Variants in SRFBP1 observed in about 807,000 individuals in gnomAD.
The protein encoded by SRFBP1 is serum response factor-binding protein 1.
Under a neutral mutation model 45.5 loss-of-function variants are expected in SRFBP1, and 47 were observed. That is an observed-to-expected ratio of 1.03 (90% confidence interval 0.82 to 1.32). The LOEUF is 1.32. SRFBP1 is among the 40% of genes most tolerant of loss of function. SRFBP1 has a pLI of 0.00. For missense variants in SRFBP1, 621 were observed against 484.6 expected (o/e 1.28, Z -2.64); for synonymous variants, 203 against 166.3 (o/e 1.22, Z -1.70).
At chr5:122,046,375 C>G (rs1463326167) in intron 2 of SRFBP1, among the ~76,000 whole-genome samples, 1 of 152,160 alleles carries the variant, frequency 6.6e-6, no homozygotes, top group Non-Finnish European at 1.5e-5. Context: ...AGGACATGAA[C>G]TCATCAGTTT....
chr5:122,058,738 CAT>C (rs1177682509), intron 2 of SRFBP1, among the ~76,000 whole-genome samples: 1 of 152,114 alleles, frequency 6.6e-6, no homozygotes, highest in African/African-American at 2.4e-5. Context: ...TTTGGCCTCT[CAT>C]GTTGTTGGGG....
chr5:121,993,616 A>C (rs1321622062), intron 3 of SRFBP1, among the ~76,000 whole-genome samples: 1 of 152,142 alleles, frequency 6.6e-6, no homozygotes, highest in Non-Finnish European at 1.5e-5. Flanking sequence ...TGTTAAATGA[A>C]GAACTGACAG....
chr5:122,033,401 A>G (rs1753622151), downstream of SRFBP1, among the ~76,000 whole-genome samples: 1 of 152,114 alleles, frequency 6.6e-6, no homozygotes. Flanking sequence ...TGTATTGAGA[A>G]AAATAGTTCA....
intron 3 of SRFBP1, among the ~76,000 whole-genome samples, chr5:121,976,771 C>T (rs1355610857): frequency 6.7e-6 from 1 of 150,336 alleles, no homozygotes; most frequent in East Asian, 1.9e-4. Flanking sequence ...TATGTGCATA[C>T]ACATACACAT....
intron 4 of SRFBP1, among the ~76,000 whole-genome samples, chr5:121,995,990 A>G (rs896744125): frequency 5.9e-5 from 9 of 152,172 alleles, no homozygotes; most frequent in African/African-American, 2.2e-4. Flanking sequence ...TAGTAGACCA[A>G]TAACAGGAGC....
At chr5:121,995,887 C>G (rs1404417067) in intron 4 of SRFBP1, among the ~76,000 whole-genome samples, 1 of 152,152 alleles carries the variant, frequency 6.6e-6, no homozygotes, top group Non-Finnish European at 1.5e-5. Flanking sequence ...ACAAACACCT[C>G]TACGCAAATA....
downstream of SRFBP1, among the ~76,000 whole-genome samples, chr5:122,032,755 T>A (rs751020000): frequency 5.3e-5 from 8 of 152,214 alleles, no homozygotes; most frequent in Non-Finnish European, 8.8e-5. Flanking sequence ...AAACAGTATG[T>A]ATTTCATGTT....
At chr5:122,030,062 T>C (rs1753565194), downstream of SRFBP1, among the ~76,000 whole-genome samples, 1 of 152,214 alleles carries the variant, frequency 6.6e-6, no homozygotes, top group Non-Finnish European at 1.5e-5. Context: ...AGAAGCCTAC[T>C]AGCCAAAGAG....
At chr5:122,063,786 G>A (rs1402046900) in intron 2 of SRFBP1, 3 of 151,870 alleles carry the variant, frequency 2.0e-5, no homozygotes, top group African/African-American at 7.3e-5. Flanking sequence ...TCAGTGCCAG[G>A]AAAATTTTAA....
At position 122,020,479 on chromosome 5, in the gene SRFBP1, T is replaced by C; in HGVS notation, c.744T>C (p.Asp248=). 1 of 1,614,090 alleles carries C rather than the reference T, an allele frequency of 6.2e-7. No individual in the cohort carries two copies. The highest frequency in any genetic ancestry group is 8.5e-7 in the Non-Finnish European group (1 of 1,179,994). The change falls in exon 6 of 8, where the codon GAT becomes GAC. Residue 248 remains aspartate, a synonymous_variant. Transcript: ENST00000339397. The part of the protein sequence containing the change: ...GSDSSLSGNS[D]GGEEFCEEEK... ...ATAGCTCACTCTCTGGTAACAGTGATGGCGGAGAAGAATTTTGTGAAGAGG... is the reference window on the plus strand; with the variant it reads ...ATAGCTCACTCTCTGGTAACAGTGACGGCGGAGAAGAATTTTGTGAAGAGG...
chr5:122,063,573 G>A (rs1754222412), intron 2 of SRFBP1: 1 of 151,824 alleles, frequency 6.6e-6, no homozygotes, highest in Admixed American at 6.6e-5. Flanking sequence ...CAGGAATTTT[G>A]GTAGCTAGGA....
chr5:122,063,795 A>G (rs972920730), intron 2 of SRFBP1: 2 of 151,946 alleles, frequency 1.3e-5, no homozygotes, highest in African/African-American at 4.8e-5. Flanking sequence ...GGAAAATTTT[A>G]ATGAATTGCA....
intron 4 of SRFBP1, among the ~76,000 whole-genome samples, chr5:122,006,463 T>A (rs1225258834): frequency 1.3e-5 from 2 of 151,528 alleles, no homozygotes; most frequent in African/African-American, 4.9e-5. Flanking sequence ...TTTTCTGATA[T>A]TATTTCTTTA....
chr5:121,981,572 T>C (rs971693237), intron 3 of SRFBP1, among the ~76,000 whole-genome samples: 9 of 151,096 alleles, frequency 6.0e-5, no homozygotes, highest in African/African-American at 2.2e-4. Context: ...TTTTTTTTTT[T>C]TAACCAGCTA....
chr5:121,973,142 G>T (rs1375620858), intron 1 of SRFBP1, among the ~76,000 whole-genome samples: 1 of 151,526 alleles, frequency 6.6e-6, no homozygotes, highest in Non-Finnish European at 1.5e-5. Context: ...GCAGGGCAAA[G>T]AAAACACTAT....
intron 4 of SRFBP1, among the ~76,000 whole-genome samples, chr5:122,007,689 G>T (rs539173969): frequency 2.0e-5 from 3 of 150,902 alleles, no homozygotes; most frequent in East Asian, 3.9e-4. Flanking sequence ...AGTTTTCTGG[G>T]ACAGACCTGG....
downstream of SRFBP1, chr5:122,076,064 G>A (rs914611574): frequency 6.6e-6 from 1 of 152,190 alleles, no homozygotes; most frequent in Admixed American, 6.5e-5. Flanking sequence ...CCAAAACAAT[G>A]GCAGTACTGT....
rs954091955 is a variant in SRFBP1 at position 122,007,393 on chromosome 5, T to A, written c.271-11867T>A. Among the ~76,000 whole-genome samples, 6 of 150,810 alleles carry A rather than the reference T, an allele frequency of 4.0e-5. No homozygotes were observed. The South Asian group carries it at 1.3e-3, about 32-fold the overall frequency. On this transcript the variant is annotated intron_variant, in intron 4 of 7. Coordinates refer to ENST00000339397, the MANE Select transcript of SRFBP1 (RefSeq NM_152546.3). ...TGGTACCATGGGGGCTGGCTGGGTA[T>A]CAAGGCCAGCATGGAGCCTAGGTCC... is the stretch of plus-strand genomic sequence containing the variant.
intron 4 of SRFBP1, among the ~76,000 whole-genome samples, chr5:122,010,620 G>T (rs1480526738): frequency 7.0e-6 from 1 of 143,754 alleles, no homozygotes. Flanking sequence ...TAAATGACTG[G>T]CTTTATCACT....
Sources: allele counts gnomAD v4.1 joint callset (sites outside exome capture counted in the v4.1 genomes callset), GRCh38; gene constraint gnomAD v4.1.1; transcripts MANE v1.5; gene names NCBI Gene and HGNC (gene_info 2026-07-23, HGNC 2026-07-21).